Variants in SHROOM3 observed in about 807,000 individuals in gnomAD.
The protein encoded by SHROOM3 is protein Shroom3.
A neutral mutation model predicts 138.6 loss-of-function variants in SHROOM3; 47 were observed. That is an observed-to-expected ratio of 0.34 (90% CI 0.27 to 0.43). SHROOM3 has a LOEUF of 0.43. Among genes scored for constraint, SHROOM3 ranks in the 20% least tolerant of loss-of-function variants. SHROOM3 has a pLI of 1.00. For missense variants in SHROOM3, 2,491 were observed against 2,596.5 expected, an observed-to-expected ratio of 0.96 and a Z score of 0.88; for synonymous variants, 1,062 against 1,063.3, an observed-to-expected ratio of 1.00 and a Z score of 0.02.
intron 5 of SHROOM3, 161 bp downstream of exon 5, chr4:76,742,087 T>C: frequency 2.1e-6 from 2 of 933,588 alleles, no homozygotes; most frequent in Non-Finnish European, 3.4e-6. Flanking sequence ...GTTTCTCAAG[T>C]GTCCCTTACC....
At chr4:76,516,925 T>C (rs1732455425) in intron 1 of SHROOM3, among the ~76,000 whole-genome samples, 1 of 152,232 alleles carries the variant, frequency 6.6e-6, no homozygotes, top group Non-Finnish European at 1.5e-5. Context: ...CAGATTTTAA[T>C]GATGAGTTAT....
At chr4:76,515,550 A>T (rs968196667) in intron 1 of SHROOM3, among the ~76,000 whole-genome samples, 2 of 152,204 alleles carry the variant, frequency 1.3e-5, no homozygotes, top group African/African-American at 4.8e-5. Flanking sequence ...AGAACTTCTA[A>T]TGAGCACATT....
intron 2 of SHROOM3, among the ~76,000 whole-genome samples, chr4:76,672,060 C>T (rs185481334): frequency 6.6e-6 from 1 of 152,068 alleles, no homozygotes; most frequent in Non-Finnish European, 1.5e-5. Context: ...ATAGCCCCCA[C>T]ATTTAAGGGA....
intron 2 of SHROOM3, among the ~76,000 whole-genome samples, chr4:76,571,178 A>G (rs1733826658): frequency 6.6e-6 from 1 of 152,200 alleles, no homozygotes; most frequent in African/African-American, 2.4e-5. Context: ...TTACTACTCT[A>G]TTTTACAGAC....
At chr4:76,603,563 C>T (rs1734550787) in intron 2 of SHROOM3, among the ~76,000 whole-genome samples, 1 of 152,024 alleles carries the variant, frequency 6.6e-6, no homozygotes, top group African/African-American at 2.4e-5. Flanking sequence ...AATAAGACCA[C>T]CATCTTGTAT....
intron 2 of SHROOM3, among the ~76,000 whole-genome samples, chr4:76,622,624 C>T (rs1205261083): frequency 6.6e-6 from 1 of 151,784 alleles, no homozygotes; most frequent in Non-Finnish European, 1.5e-5. Context: ...CAAGAAGGAA[C>T]AAAAAATGGA....
chr4:76,663,734 G>A (rs1254972038), intron 2 of SHROOM3, among the ~76,000 whole-genome samples: 1 of 152,174 alleles, frequency 6.6e-6, no homozygotes, highest in Non-Finnish European at 1.5e-5. Context: ...TTTAAAACTT[G>A]GAAAACTTTA....
intron 2 of SHROOM3, among the ~76,000 whole-genome samples, chr4:76,581,472 T>C (rs1359885005): frequency 2.0e-5 from 3 of 152,218 alleles, no homozygotes; most frequent in African/African-American, 7.2e-5. Context: ...TGGACAGGCA[T>C]TGTATAATAA....
At chr4:76,763,312 A>G (rs1370834752) in intron 9 of SHROOM3, among the ~76,000 whole-genome samples, 7 of 151,986 alleles carry the variant, frequency 4.6e-5, no homozygotes, top group African/African-American at 1.7e-4. Flanking sequence ...GCTTGAACCC[A>G]GGAGGCAGAG....
intron 2 of SHROOM3, among the ~76,000 whole-genome samples, chr4:76,586,777 G>A (rs1734163643): frequency 6.6e-6 from 1 of 152,168 alleles, no homozygotes; most frequent in Non-Finnish European, 1.5e-5. Flanking sequence ...TTTAGTTAAG[G>A]CCAACAAATA....
chr4:76,635,672 T>C (rs1461996154), intron 2 of SHROOM3, among the ~76,000 whole-genome samples: 1 of 152,116 alleles, frequency 6.6e-6, no homozygotes, highest in Non-Finnish European at 1.5e-5. Context: ...TTCATTGGAG[T>C]CACTCCTGGG....
At chr4:76,497,431 C>T (rs1277626185) in intron 1 of SHROOM3, among the ~76,000 whole-genome samples, 2 of 152,044 alleles carry the variant, frequency 1.3e-5, no homozygotes, top group Admixed American at 6.5e-5. Flanking sequence ...GAGTGGAAAT[C>T]AATAAAATAG....
chr4:76,486,440 C>T (rs1731732390), intron 1 of SHROOM3, among the ~76,000 whole-genome samples: 1 of 152,214 alleles, frequency 6.6e-6, no homozygotes, highest in Non-Finnish European at 1.5e-5. Context: ...TGTCAATCCT[C>T]ATGAGTGTTG....
intron 10 of SHROOM3, among the ~76,000 whole-genome samples, chr4:76,778,220 TG>T (rs1483639859): frequency 1.7e-4 from 25 of 146,280 alleles, no homozygotes; most frequent in Admixed American, 6.1e-4. Context: ...GGTACCTTGA[TG>T]ATTTTTTTTT....
intron 1 of SHROOM3, among the ~76,000 whole-genome samples, chr4:76,460,360 T>C (rs908899210): frequency 1.3e-5 from 2 of 152,212 alleles, no homozygotes; most frequent in Non-Finnish European, 2.9e-5. Flanking sequence ...AAACACAACA[T>C]TTTTGTGTTG....
chr4:76,633,332 CAAAAA>C (rs56002974), intron 2 of SHROOM3, among the ~76,000 whole-genome samples: 77 of 83,838 alleles, frequency 9.2e-4, no homozygotes, highest in Middle Eastern at 8.6e-3. Context: ...GACTCAGTCT[CAAAAA>C]AAAAAAAAAA....
chr4:76,686,375 A>G (rs1719338830), intron 2 of SHROOM3, among the ~76,000 whole-genome samples: 1 of 152,186 alleles, frequency 6.6e-6, no homozygotes, highest in Non-Finnish European at 1.5e-5. Flanking sequence ...TTGCCATAAT[A>G]TATATAAAAA....
At chr4:76,673,940 G>C (rs1027923054) in intron 2 of SHROOM3, among the ~76,000 whole-genome samples, 1 of 152,152 alleles carries the variant, frequency 6.6e-6, no homozygotes, top group Non-Finnish European at 1.5e-5. Flanking sequence ...TGGCGCAATC[G>C]TAGCTCACTG....
chr4:76,536,971 G>T (rs543150138), intron 1 of SHROOM3, among the ~76,000 whole-genome samples: 2 of 152,242 alleles, frequency 1.3e-5, no homozygotes, highest in African/African-American at 4.8e-5. Context: ...AAATTACCCA[G>T]GTGTGGTGGC....
Sources: allele counts gnomAD v4.1 joint callset (sites outside exome capture counted in the v4.1 genomes callset), GRCh38; gene constraint gnomAD v4.1.1; transcripts MANE v1.5; gene names NCBI Gene and HGNC (gene_info 2026-07-23, HGNC 2026-07-21).